RASEF: variants seen among roughly 807,000 people sequenced by gnomAD.
RASEF encodes the protein RAS and EF-hand domain containing.
RASEF carries 68 observed loss-of-function variants against 90.1 expected under a neutral mutation model. The observed-to-expected ratio is 0.75, with a 90% CI of 0.62 to 0.92. The LOEUF is 0.92. Among genes scored for constraint, RASEF ranks in the 40% least tolerant of loss-of-function variants. The pLI is 0.00. For synonymous variants in RASEF, 331 were observed against 345.2 expected (o/e 0.96, Z 0.46); for missense variants, 949 against 937.2 (o/e 1.01, Z -0.16).
the RASEF span, among the ~76,000 whole-genome samples, chr9:83,186,446 T>TA: frequency 1.3e-5 from 2 of 152,212 alleles, no homozygotes; most frequent in African/African-American, 4.8e-5. Context: ...CTGCGTTATC[T>TA]AAAATCTGAG....
At chr9:83,181,001 C>G in the RASEF span, among the ~76,000 whole-genome samples, 1 of 151,566 alleles carries the variant, frequency 6.6e-6, no homozygotes, top group Non-Finnish European at 1.5e-5. Context: ...GCCAGGAGAG[C>G]TTATGCATTG....
the RASEF span, among the ~76,000 whole-genome samples, chr9:83,120,046 G>A: frequency 6.6e-6 from 1 of 152,166 alleles, no homozygotes; most frequent in Admixed American, 6.5e-5. Context: ...AATCCACAGT[G>A]ACTCATTGTT....
At chr9:83,079,825 G>A in the RASEF span, among the ~76,000 whole-genome samples, 1 of 147,754 alleles carries the variant, frequency 6.8e-6, no homozygotes, top group Non-Finnish European at 1.5e-5. Context: ...AAGTGTATAG[G>A]TAGAAATATT....
chr9:83,017,304 T>G (rs1205280204), intron 3 of RASEF, among the ~76,000 whole-genome samples: 2 of 139,724 alleles, frequency 1.4e-5, no homozygotes, highest in Non-Finnish European at 1.5e-5. Context: ...GCTAACACGG[T>G]GAAACCTCGT....
intron 1 of RASEF, chr9:83,055,473 C>T (rs1446079131): frequency 7.5e-6 from 5 of 668,032 alleles, no homozygotes; most frequent in Non-Finnish European, 1.4e-5. Flanking sequence ...GAACCCGGTA[C>T]CTCAGATGGA....
At chr9:83,088,395 T>C in the RASEF span, among the ~76,000 whole-genome samples, 1 of 151,808 alleles carries the variant, frequency 6.6e-6, no homozygotes, top group South Asian at 2.1e-4. Context: ...GATAGATAGA[T>C]AGATAGATAG....
chr9:83,107,940 T>C, the RASEF span, among the ~76,000 whole-genome samples: 1 of 152,044 alleles, frequency 6.6e-6, no homozygotes, highest in Non-Finnish European at 1.5e-5. Flanking sequence ...CAGATGAATC[T>C]CAAAAACATG....
intron 1 of RASEF, chr9:83,055,661 G>T (rs1354998166): frequency 1.4e-6 from 1 of 718,008 alleles, no homozygotes; most frequent in South Asian, 1.5e-5. Flanking sequence ...ACAAATGCAG[G>T]TTTTGAAATT....
chr9:83,053,523 T>G (rs1216447991), intron 1 of RASEF, among the ~76,000 whole-genome samples: 1 of 132,794 alleles, frequency 7.5e-6, no homozygotes, highest in Non-Finnish European at 1.5e-5. Context: ...GTCTTTTAAT[T>G]GCAGAATTTA....
chr9:83,142,931 A>T, the RASEF span, among the ~76,000 whole-genome samples: 1 of 152,140 alleles, frequency 6.6e-6, no homozygotes, highest in Non-Finnish European at 1.5e-5. Context: ...CATCTCTCAG[A>T]GTTCTCTATG....
At chr9:83,019,295 G>C (rs1829401066) in intron 3 of RASEF, among the ~76,000 whole-genome samples, 1 of 152,006 alleles carries the variant, frequency 6.6e-6, no homozygotes, top group Non-Finnish European at 1.5e-5. Flanking sequence ...TTTGTAATGA[G>C]CCAAAGATTT....
chr9:83,039,969 G>T (rs1301749493), intron 1 of RASEF, among the ~76,000 whole-genome samples: 3 of 152,214 alleles, frequency 2.0e-5, no homozygotes, highest in Non-Finnish European at 4.4e-5. Context: ...GGTACCTGAT[G>T]GAAGGTAACT....
At chr9:83,041,242 C>T (rs1483916255) in intron 1 of RASEF, among the ~76,000 whole-genome samples, 1 of 152,194 alleles carries the variant, frequency 6.6e-6, no homozygotes, top group East Asian at 1.9e-4. Context: ...AAATTATTGT[C>T]TATGACATCT....
At chr9:83,070,263 A>G in the RASEF span, among the ~76,000 whole-genome samples, 1 of 152,222 alleles carries the variant, frequency 6.6e-6, no homozygotes, top group South Asian at 2.1e-4. Context: ...AGTTTTATTT[A>G]CCATTGCTTC....
At chr9:83,080,892 A>G in the RASEF span, among the ~76,000 whole-genome samples, 2 of 152,318 alleles carry the variant, frequency 1.3e-5, no homozygotes, top group South Asian at 4.1e-4. Context: ...TTTTTAAAAA[A>G]TGTTAGTAAG....
chr9:83,102,648 G>A, the RASEF span, among the ~76,000 whole-genome samples: 3 of 152,136 alleles, frequency 2.0e-5, no homozygotes, highest in Non-Finnish European at 4.4e-5. Flanking sequence ...GGAAAAACGT[G>A]GGCAAGAGCC....
the RASEF span, among the ~76,000 whole-genome samples, chr9:83,073,243 C>T: frequency 4.4e-4 from 67 of 152,204 alleles, no homozygotes; most frequent in African/African-American, 1.5e-3. Context: ...TTTATATCCC[C>T]TCTGGAAGAA....
intron 5 of RASEF, among the ~76,000 whole-genome samples, chr9:83,012,228 A>G (rs548688014): frequency 5.3e-5 from 8 of 152,346 alleles, no homozygotes; most frequent in Admixed American, 5.2e-4. Flanking sequence ...TGTATGAAAA[A>G]TAAGTAAAAG....
the RASEF span, among the ~76,000 whole-genome samples, chr9:83,165,900 GA>G: frequency 6.6e-6 from 1 of 152,068 alleles, no homozygotes; most frequent in Admixed American, 6.6e-5. Flanking sequence ...CCACAAATTT[GA>G]TAACCTAGAT....
Sources: allele counts gnomAD v4.1 joint callset (sites outside exome capture counted in the v4.1 genomes callset), GRCh38; gene constraint gnomAD v4.1.1; transcripts MANE v1.5; gene names NCBI Gene and HGNC (gene_info 2026-07-23, HGNC 2026-07-21).